Variants in SNX3 observed in about 807,000 individuals in gnomAD.
The protein encoded by SNX3 is sorting nexin 3.
SNX3 carries 5 observed loss-of-function variants against 17.7 expected under a neutral mutation model. That is an observed-to-expected ratio of 0.28 (90% CI 0.15 to 0.59). The LOEUF is 0.59. SNX3 is among the 20% of genes least tolerant of loss of function. SNX3 has a pLI of 0.88. For missense variants in SNX3, 132 were observed against 206.8 expected, an observed-to-expected ratio of 0.64 and a Z score of 2.22; for synonymous variants, 91 against 76.5, an observed-to-expected ratio of 1.19 and a Z score of -0.99.
At chr6:108,257,774 G>A (rs847596) in intron 1 of SNX3, among the ~76,000 whole-genome samples, 17,824 of 151,794 alleles carry the variant, frequency 0.12, 1,280 homozygotes, top group Admixed American at 0.2. Context: ...GACCATCCTG[G>A]TCAACATGGT....
chr6:108,256,698 A>G (rs1425967332), intron 1 of SNX3, among the ~76,000 whole-genome samples: 1 of 152,216 alleles, frequency 6.6e-6, no homozygotes, highest in East Asian at 1.9e-4. Flanking sequence ...GGTAAAATAG[A>G]TCTTGATTAA....
At chr6:108,222,314 G>C in intron 2 of SNX3, 1 of 1,304,088 alleles carries the variant, frequency 7.7e-7, no homozygotes, top group Non-Finnish European at 1.0e-6. Flanking sequence ...GTCATTCTGA[G>C]GCAGGGCTGA....
intron 1 of SNX3, among the ~76,000 whole-genome samples, chr6:108,244,150 C>T (rs995569032): frequency 2.6e-5 from 4 of 151,968 alleles, no homozygotes; most frequent in African/African-American, 9.7e-5. Flanking sequence ...CAGTTCTCCC[C>T]CGCTTTTTTT....
chr6:108,225,625 C>CT (rs1774951431), intron 1 of SNX3, among the ~76,000 whole-genome samples: 1 of 152,030 alleles, frequency 6.6e-6, no homozygotes, highest in Non-Finnish European at 1.5e-5. Flanking sequence ...GAGTGAGACT[C>CT]TGACTCAAAC....
chr6:108,252,099 C>A (rs473231), intron 1 of SNX3: 88,032 of 142,060 alleles, frequency 0.62, 27,233 homozygotes, highest in East Asian at 0.74. Context: ...AACAAACAAA[C>A]AAAAAAATGA....
chr6:108,236,893 C>A (rs76470051), intron 1 of SNX3, among the ~76,000 whole-genome samples: 5 of 152,124 alleles, frequency 3.3e-5, no homozygotes, highest in Admixed American at 3.3e-4. Flanking sequence ...ACTATACACA[C>A]GCATATGCTT....
chr6:108,237,097 TG>T (rs1775368837), intron 1 of SNX3, among the ~76,000 whole-genome samples: 1 of 152,234 alleles, frequency 6.6e-6, no homozygotes, highest in African/African-American at 2.4e-5. Context: ...AGCTGCAACT[TG>T]CCATCAAAAG....
At chr6:108,212,411 T>G (rs1022309680) in intron 3 of SNX3, among the ~76,000 whole-genome samples, 157 bp from the exon 4 acceptor site, 6 of 152,060 alleles carry the variant, frequency 3.9e-5, no homozygotes, top group Non-Finnish European at 8.8e-5. Flanking sequence ...TGATCTTGGC[T>G]CATGGCAACC....
intron 1 of SNX3, among the ~76,000 whole-genome samples, chr6:108,227,363 G>A (rs1029876504): frequency 6.6e-6 from 1 of 152,150 alleles, no homozygotes. Flanking sequence ...TCTGGGTACG[G>A]AAGTCTATAA....
At chr6:108,225,226 G>T (rs1323698252) in intron 1 of SNX3, among the ~76,000 whole-genome samples, 4 of 152,146 alleles carry the variant, frequency 2.6e-5, no homozygotes. Context: ...AGTTTGCAGT[G>T]AGCCGAGATC....
At chr6:108,234,386 T>C (rs1775262011) in intron 1 of SNX3, among the ~76,000 whole-genome samples, 2 of 152,098 alleles carry the variant, frequency 1.3e-5, no homozygotes, top group African/African-American at 4.8e-5. Context: ...AACCCGTTTC[T>C]ACCAAAAGCA....
At chr6:108,227,699 C>T (rs1355750159) in intron 1 of SNX3, among the ~76,000 whole-genome samples, 1 of 152,212 alleles carries the variant, frequency 6.6e-6, no homozygotes, top group Non-Finnish European at 1.5e-5. Flanking sequence ...GAAATTCAAA[C>T]ATCACTTGCC....
chr6:108,228,599 A>C (rs1229842741), intron 1 of SNX3, among the ~76,000 whole-genome samples: 1 of 152,054 alleles, frequency 6.6e-6, no homozygotes, highest in African/African-American at 2.4e-5. Flanking sequence ...TGGGAAGATA[A>C]GGTGTCAGGA....
rs199843863 is a variant in SNX3, at chr6:108,214,593, C to T, written c.288G>A (p.Ala96=). ...KVVVPPLPGK[A]FLRQLPFRGD... is the part of the protein sequence containing the mutation. ...CTCTAAAAGGAAGCTGACGCAAAAA[C>T]GCTTTCCCAGGGAGCGGGGGAACTA... Residue 96 remains alanine, a synonymous_variant, in exon 3 of 4, where the codon GCG becomes GCA. Transcript: ENST00000230085. 2.6e-5 allele frequency: 42 copies of T among 1,613,222 alleles called. No individual in the cohort carries two copies. The highest frequency in any genetic ancestry group is 4.0e-5 in the African/African-American group (3 of 74,876).
rs181661250 is a variant in SNX3, at chr6:108,214,205, T to C, written c.383+293A>G. On this transcript the variant is annotated intron_variant, in intron 3 of 3. Transcript: ENST00000230085. The stretch of plus-strand genomic sequence containing the variant: ...ACATACCTTAAATCAGAAAGAATCA[T>C]AAGTAAAACTGTATTTTTTAAATGC... 2.4e-3 allele frequency among the ~76,000 whole-genome samples: 373 copies of C among 152,340 alleles called. 3 individuals are homozygous for C. The highest frequency in any genetic ancestry group is 8.7e-3 in the African/African-American group (361 of 41,586).
At chr6:108,220,625 T>C (rs1774733677) in intron 2 of SNX3, among the ~76,000 whole-genome samples, 1 of 152,182 alleles carries the variant, frequency 6.6e-6, no homozygotes, top group African/African-American at 2.4e-5. Flanking sequence ...TCTTAGAATG[T>C]ATTCTCATCA....
At chr6:108,212,699 T>C (rs1447654603) in intron 3 of SNX3, among the ~76,000 whole-genome samples, 1 of 152,148 alleles carries the variant, frequency 6.6e-6, no homozygotes, top group Non-Finnish European at 1.5e-5. Context: ...CTATGCACTA[T>C]CAACTAATGG....
chr6:108,223,083 T>G, intron 1 of SNX3, 38 bp from the exon 2 acceptor site: 1 of 1,145,330 alleles, frequency 8.7e-7, no homozygotes, highest in Non-Finnish European at 1.3e-6. Flanking sequence ...TGAAGCACAT[T>G]AAGGAAACTT....
At chr6:108,236,609 C>T (rs761659235) in intron 1 of SNX3, among the ~76,000 whole-genome samples, 1 of 151,474 alleles carries the variant, frequency 6.6e-6, no homozygotes, top group African/African-American at 2.4e-5. Flanking sequence ...GGGATGGTCT[C>T]GATCTCCTGA....
Sources: allele counts gnomAD v4.1 joint callset (sites outside exome capture counted in the v4.1 genomes callset), GRCh38; gene constraint gnomAD v4.1.1; transcripts MANE v1.5; gene names NCBI Gene and HGNC (gene_info 2026-07-23, HGNC 2026-07-21).